RCHY1: variants seen among roughly 807,000 people sequenced by gnomAD.
The protein encoded by RCHY1 is ring finger and CHY zinc finger domain containing 1.
A neutral mutation model predicts 41.6 loss-of-function variants in RCHY1; 21 were observed. The observed-to-expected ratio is 0.51, with a 90% confidence interval of 0.36 to 0.73. The LOEUF is 0.73. RCHY1 is among the 30% of genes least tolerant of loss of function. The pLI, the probability that RCHY1 is intolerant of heterozygous loss-of-function variation, is 0.00. For synonymous variants in RCHY1, 79 were observed against 102.9 expected (o/e 0.77, Z 1.41); for missense variants, 265 against 325.3 (o/e 0.81, Z 1.43).
rs1267567256 is a variant in RCHY1 at position 75,509,199 on chromosome 4, A to T, written c.188T>A (p.Ile63Lys). The change falls in exon 2 of 9, where the codon ATA (isoleucine) becomes AAA (lysine). Residue 63 changes from isoleucine to lysine, a missense_variant. Ile to Lys is a moderately radical substitution (Grantham distance 102). Coordinates refer to ENST00000324439, the MANE Select transcript of RCHY1 (RefSeq NM_015436.4). ...DRFKVKEVQCINCEKIQHAQQ... is the reference protein window; with the variant it reads ...DRFKVKEVQCKNCEKIQHAQQ... ...TACATGTTGAATTTTTTCACAGTTT[A>T]TGCACTGCACTTCCTTCACTTTAAA... is the stretch of plus-strand genomic sequence containing the variant. 1.2e-6 allele frequency: 2 copies of T among 1,612,646 alleles called. No individual in the cohort carries two copies. Among genetic ancestry groups the T allele is most frequent in the Admixed American group, 3.3e-5 (2 of 59,808 alleles).
intron 1 of RCHY1, among the ~76,000 whole-genome samples, chr4:75,512,722 T>C (rs1725037232): frequency 6.6e-6 from 1 of 152,072 alleles, no homozygotes; most frequent in Admixed American, 6.5e-5. Flanking sequence ...ACTCCTCCCA[T>C]TCTTTCCTAA....
chr4:75,513,083 T>C (rs906276482), intron 1 of RCHY1, among the ~76,000 whole-genome samples: 3 of 152,138 alleles, frequency 2.0e-5, no homozygotes, highest in African/African-American at 7.2e-5. Flanking sequence ...ATCATAAGGA[T>C]AGCATTCAAT....
At position 75,509,253 on chromosome 4, in the gene RCHY1, T is replaced by C; in HGVS notation, c.134A>G (p.Asp45Gly). ...DKLYTCRLCH[D>G]NNEDHQLDRF... ...ATCTAGTTGATGATCTTCATTGTTATCATGACACAAGCGGCAAGTATAAAG... is the reference window on the plus strand; with the variant it reads ...ATCTAGTTGATGATCTTCATTGTTACCATGACACAAGCGGCAAGTATAAAG... The change falls in exon 2 of 9, where the codon GAT becomes GGT. Residue 45 changes from aspartate (D) to glycine (G), a missense_variant. By Grantham distance (94) the Asp-to-Gly change is moderately conservative. Transcript: ENST00000324439. 1 of 1,613,504 alleles carries C rather than the reference T, an allele frequency of 6.2e-7. No individual in the cohort carries two copies.
At chr4:75,491,960 CA>C in intron 4 of RCHY1, 27 bp from the exon 5 acceptor site, 1 of 1,549,802 alleles carries the variant, frequency 6.5e-7, no homozygotes, top group South Asian at 1.2e-5. Context: ...TTCACATTAA[CA>C]AAAGCTTAAC....
At chr4:75,496,885 G>T (rs1044759058) in intron 3 of RCHY1, among the ~76,000 whole-genome samples, 1 of 151,688 alleles carries the variant, frequency 6.6e-6, no homozygotes, top group African/African-American at 2.4e-5. Flanking sequence ...AAAATGAGAA[G>T]AATAATCAAT....
intron 3 of RCHY1, among the ~76,000 whole-genome samples, chr4:75,503,531 C>T (rs1490197177): frequency 1.3e-5 from 2 of 151,980 alleles, no homozygotes; most frequent in Non-Finnish European, 2.9e-5. Context: ...CTCATCTCTA[C>T]TAAAAATACA....
intron 8 of RCHY1, among the ~76,000 whole-genome samples, chr4:75,487,389 T>G (rs1722115538): frequency 6.7e-6 from 1 of 148,448 alleles, no homozygotes; most frequent in Non-Finnish European, 1.5e-5. Context: ...AGTAAAGGTT[T>G]TTGCTTTTTA....
rs1038721495 is a variant in RCHY1 at position 75,481,065 on chromosome 4, C to A, written c.*1473G>T. ...TTGGTAATACCCAGGAACATCCTTT[C>A]CCAAATGAAGATCAGCACTGCTGCT... On this transcript the variant is annotated 3_prime_UTR_variant, in exon 9 of 9. Coordinates refer to ENST00000324439, the MANE Select transcript of RCHY1 (RefSeq NM_015436.4). 1.3e-5 allele frequency: 2 copies of A among 152,226 alleles called. No individual in the cohort carries two copies. Among genetic ancestry groups the A allele is most frequent in the African/African-American group, 4.8e-5 (2 of 41,442 alleles). 9.4% of individuals were successfully genotyped at this position (152,226 alleles called of 1,614,324 possible).
At chr4:75,488,083 T>C (rs533626110) in intron 8 of RCHY1, among the ~76,000 whole-genome samples, 2 of 151,334 alleles carry the variant, frequency 1.3e-5, no homozygotes, top group South Asian at 2.1e-4. Context: ...ATTTGATCTG[T>C]TAAATTACAT....
At chr4:75,505,698 G>A (rs565274902) in intron 3 of RCHY1, among the ~76,000 whole-genome samples, 17 of 152,112 alleles carry the variant, frequency 1.1e-4, no homozygotes, top group Non-Finnish European at 2.1e-4. Flanking sequence ...CCACAATGAC[G>A]AAATAGCTTC....
chr4:75,493,894 C>T (rs991354837), intron 4 of RCHY1, among the ~76,000 whole-genome samples: 2 of 151,718 alleles, frequency 1.3e-5, no homozygotes, highest in East Asian at 1.9e-4. Flanking sequence ...AGCATTCTTA[C>T]ACTACAGAGA....
chr4:75,501,816 C>T (rs543692113), intron 3 of RCHY1, among the ~76,000 whole-genome samples: 6 of 152,242 alleles, frequency 3.9e-5, no homozygotes, highest in African/African-American at 1.2e-4. Flanking sequence ...CGGTGGCTCA[C>T]GCCTATAATC....
intron 3 of RCHY1, among the ~76,000 whole-genome samples, chr4:75,503,738 TAGTC>T (rs1724029337): frequency 6.6e-6 from 1 of 152,094 alleles, no homozygotes; most frequent in Non-Finnish European, 1.5e-5. Flanking sequence ...TATCCTCACT[TAGTC>T]ATTTATTAGG....
chr4:75,514,135 C>T, intron 1 of RCHY1, 62 bp downstream of exon 1: 1 of 1,571,038 alleles, frequency 6.4e-7, no homozygotes, highest in East Asian at 2.3e-5. Flanking sequence ...AACCACCTGC[C>T]CAGCCCGCCC....
Position 75,514,298 on chromosome 4 carries a change from C to A in RCHY1, c.-12G>T. On this transcript the variant is annotated 5_prime_UTR_variant, in exon 1 of 9. Transcript: ENST00000324439. The stretch of plus-strand genomic sequence containing the variant: ...GCCGTCGCCGCCATCTCCTCCACCT[C>A]CCCTCACATTCCACCGATCCTTCCC... 2 of 1,609,028 alleles carry A rather than the reference C, an allele frequency of 1.2e-6. No individual in the cohort carries two copies. The highest frequency in any genetic ancestry group is 8.5e-7 in the Non-Finnish European group (1 of 1,176,116).
At chr4:75,498,340 A>T (rs1723415935) in intron 3 of RCHY1, among the ~76,000 whole-genome samples, 1 of 151,990 alleles carries the variant, frequency 6.6e-6, no homozygotes, top group African/African-American at 2.4e-5. Flanking sequence ...GTTTCACATC[A>T]AAGAAAAGCC....
At chr4:75,510,963 T>C (rs902839474) in intron 1 of RCHY1, among the ~76,000 whole-genome samples, 2 of 152,218 alleles carry the variant, frequency 1.3e-5, no homozygotes, top group Admixed American at 6.5e-5. Flanking sequence ...AGTATTTTAA[T>C]AGCCTTTTTG....
intron 3 of RCHY1, among the ~76,000 whole-genome samples, chr4:75,505,233 G>A (rs917682963): frequency 6.6e-6 from 1 of 152,186 alleles, no homozygotes; most frequent in African/African-American, 2.4e-5. Context: ...AGGAGGCAGA[G>A]CTCAGACAGT....
At chr4:75,513,554 A>C (rs1023249926) in intron 1 of RCHY1, among the ~76,000 whole-genome samples, 3 of 152,194 alleles carry the variant, frequency 2.0e-5, no homozygotes, top group African/African-American at 7.2e-5. Context: ...AAATTTTTGT[A>C]CTGTTTCTTG....
Sources: allele counts gnomAD v4.1 joint callset (sites outside exome capture counted in the v4.1 genomes callset), GRCh38; gene constraint gnomAD v4.1.1; transcripts MANE v1.5; gene names NCBI Gene and HGNC (gene_info 2026-07-23, HGNC 2026-07-21).